The following NCAM2 variants were observed in gnomAD, a reference collection of about 807,000 sequenced individuals.
The protein encoded by NCAM2 is neural cell adhesion molecule 2.
A neutral mutation model predicts 98.1 loss-of-function variants in NCAM2; 30 were observed. That is an observed-to-expected ratio of 0.31 (90% CI 0.23 to 0.41). NCAM2 has a LOEUF of 0.41. Among genes scored for constraint, NCAM2 ranks in the 10% least tolerant of loss-of-function variants. The probability of loss-of-function intolerance (pLI) is 1.00; values close to 1 mark genes in which losing one functional copy is unlikely to be tolerated. For synonymous variants in NCAM2, 368 were observed against 342.4 expected (o/e 1.07, Z -0.83); for missense variants, 867 against 1,005.8 (o/e 0.86, Z 1.87).
intron 1 of NCAM2, among the ~76,000 whole-genome samples, chr21:21,187,690 T>C (rs962548971): frequency 2.6e-5 from 4 of 152,236 alleles, no homozygotes; most frequent in Non-Finnish European, 4.4e-5. Flanking sequence ...AAAATGGTGC[T>C]AGTTATTAAA....
At chr21:21,422,591 C>T (rs927693967) in intron 11 of NCAM2, among the ~76,000 whole-genome samples, 1 of 152,118 alleles carries the variant, frequency 6.6e-6, no homozygotes, top group Admixed American at 6.6e-5. Flanking sequence ...TTACCTATCT[C>T]CTCTGTTTTT....
chr21:21,460,826 G>A (rs1206072765), intron 12 of NCAM2, among the ~76,000 whole-genome samples: 1 of 151,722 alleles, frequency 6.6e-6, no homozygotes, highest in Admixed American at 6.6e-5. Flanking sequence ...ATATAGAGAT[G>A]TTATTAGGAG....
chr21:21,326,026 G>A (rs2074501720), intron 6 of NCAM2, among the ~76,000 whole-genome samples: 1 of 152,130 alleles, frequency 6.6e-6, no homozygotes, highest in South Asian at 2.1e-4. Flanking sequence ...ATTAAGGAAT[G>A]CTATAAAATG....
intron 15 of NCAM2, among the ~76,000 whole-genome samples, chr21:21,487,013 C>A (rs1456345710): frequency 6.6e-6 from 1 of 151,992 alleles, no homozygotes; most frequent in East Asian, 1.9e-4. Flanking sequence ...CACATAAATT[C>A]TTTTAAAAAT....
chr21:21,475,230 C>T (rs78295702), intron 14 of NCAM2, among the ~76,000 whole-genome samples: 270 of 152,066 alleles, frequency 1.8e-3, no homozygotes, highest in Admixed American at 4.0e-3. Flanking sequence ...AAAAATGGCG[C>T]TAGAGTGTAT....
rs1486218977 is a variant in NCAM2 at position 21,541,825 on chromosome 21, T to G, written c.*3868T>G. 1 of 151,798 alleles carries G rather than the reference T, an allele frequency of 6.6e-6. No homozygotes were observed. Among genetic ancestry groups the G allele is most frequent in the Non-Finnish European group, 1.5e-5 (1 of 67,784 alleles). 9.4% of individuals were successfully genotyped at this position (151,798 alleles called of 1,614,324 possible). A position where few individuals can be genotyped will look rare whatever the true frequency, so the allele number is the denominator to read the frequency against. On this transcript the variant is annotated 3_prime_UTR_variant, in exon 18 of 18. Transcript: ENST00000400546. ...TTCAACTTAAATCCCCCATGAAGTT[T>G]TTTCATGCTCATACTCATAATCATT...
At chr21:21,509,653 T>A (rs191321703) in intron 16 of NCAM2, among the ~76,000 whole-genome samples, 22 of 152,316 alleles carry the variant, frequency 1.4e-4, no homozygotes, top group Admixed American at 1.4e-3. Flanking sequence ...GTTAAGCAGA[T>A]ATAATTTTCA....
chr21:21,302,932 A>C (rs921357631), intron 5 of NCAM2, among the ~76,000 whole-genome samples: 1 of 152,184 alleles, frequency 6.6e-6, no homozygotes, highest in African/African-American at 2.4e-5. Context: ...AAAAAGAATG[A>C]AGTCATGTCC....
intron 8 of NCAM2, among the ~76,000 whole-genome samples, chr21:21,340,883 TGA>T (rs1174329929): frequency 1.3e-5 from 2 of 152,028 alleles, no homozygotes; most frequent in Non-Finnish European, 2.9e-5. Context: ...CTTTTTAATA[TGA>T]GTTTTTAATA....
intron 1 of NCAM2, among the ~76,000 whole-genome samples, chr21:20,999,124 A>G (rs538180706): frequency 3.9e-5 from 6 of 151,942 alleles, no homozygotes; most frequent in South Asian, 2.1e-4. Context: ...ATTCCTGACT[A>G]TGAAGTGAAT....
intron 1 of NCAM2, among the ~76,000 whole-genome samples, chr21:21,017,590 C>T (rs2064339486): frequency 6.6e-6 from 1 of 151,952 alleles, no homozygotes; most frequent in East Asian, 1.9e-4. Flanking sequence ...CATGCCTCGA[C>T]CAAAGTGAGC....
Position 21,256,181 on chromosome 21 carries a change from C to T in NCAM2, c.56-24397C>T, listed in dbSNP as rs2071663108. Reference sequence around the variant, plus strand: ...ACCAGCTTGGCCAACATGGCAAAACCGCATCTCTACTAAAAACAACAAAAA... The same window carrying T: ...ACCAGCTTGGCCAACATGGCAAAACTGCATCTCTACTAAAAACAACAAAAA... On this transcript the variant is annotated intron_variant, in intron 1 of 17. Transcript: ENST00000400546. 2.0e-5 allele frequency among the ~76,000 whole-genome samples: 3 copies of T among 151,918 alleles called. No individual in the cohort carries two copies. In the South Asian group the frequency reaches 6.2e-4, roughly 32 times the overall value.
chr21:21,265,411 T>C lies in NCAM2; in HGVS notation c.56-15167T>C, dbSNP rs1173777611. 1.2e-4 allele frequency among the ~76,000 whole-genome samples: 7 copies of C among 59,656 alleles called. No individual in the cohort carries two copies. The Admixed American group carries it at 1.2e-3, about 10-fold the overall frequency. 39.1% of individuals were successfully genotyped at this position (59,656 alleles called of 152,430 possible). Reference sequence around the variant, plus strand: ...GTACACACCATATATTATATATGTGTATATATAATATATGTGTGTATATAT... The same window carrying C: ...GTACACACCATATATTATATATGTGCATATATAATATATGTGTGTATATAT... On this transcript the variant is annotated intron_variant, in intron 1 of 17. Coordinates refer to ENST00000400546, the MANE Select transcript of NCAM2 (RefSeq NM_004540.5).
intron 1 of NCAM2, among the ~76,000 whole-genome samples, chr21:21,221,065 T>TA (rs2070128435): frequency 6.6e-6 from 1 of 152,222 alleles, no homozygotes; most frequent in Non-Finnish European, 1.5e-5. Flanking sequence ...ATGTATCTGT[T>TA]ACGGTGATCT....
chr21:21,042,060 A>G (rs1303278262), intron 1 of NCAM2, among the ~76,000 whole-genome samples: 1 of 152,218 alleles, frequency 6.6e-6, no homozygotes, highest in Non-Finnish European at 1.5e-5. Flanking sequence ...TTCTCAAACT[A>G]TAACACATAT....
At chr21:21,261,564 AC>A (rs1337593269) in intron 1 of NCAM2, among the ~76,000 whole-genome samples, 1 of 152,152 alleles carries the variant, frequency 6.6e-6, no homozygotes, top group Non-Finnish European at 1.5e-5. Context: ...CCACACAATT[AC>A]ATGGAAGTTA....
At chr21:21,136,953 A>G (rs2067069261) in intron 1 of NCAM2, among the ~76,000 whole-genome samples, 2 of 150,744 alleles carry the variant, frequency 1.3e-5, no homozygotes, top group Admixed American at 1.3e-4. Flanking sequence ...AAGAATTGTT[A>G]TTACTGCCAA....
intron 5 of NCAM2, among the ~76,000 whole-genome samples, chr21:21,307,936 C>G (rs1190852361): frequency 1.3e-5 from 2 of 152,062 alleles, no homozygotes; most frequent in Non-Finnish European, 2.9e-5. Context: ...ATGTCTGTAA[C>G]TTTAAAAAAC....
At chr21:21,432,577 G>A (rs551065191) in intron 12 of NCAM2, among the ~76,000 whole-genome samples, 1 of 150,778 alleles carries the variant, frequency 6.6e-6, no homozygotes, top group East Asian at 1.9e-4. Context: ...TAGATATGAT[G>A]GCTGGATTTT....
Sources: gnomAD v4.1 joint callset for allele counts (sites outside exome capture counted in the v4.1 genomes callset) on GRCh38, gnomAD v4.1.1 for gene constraint, MANE v1.5 for transcripts, NCBI Gene and HGNC (gene_info 2026-07-23, HGNC 2026-07-21) for gene names.